Variants in DGKB observed in about 807,000 individuals in gnomAD.
DGKB encodes 90 kDa diacylglycerol kinase.
Under a neutral mutation model 114.3 loss-of-function variants are expected in DGKB, and 67 were observed. The observed-to-expected ratio is 0.59, with a 90% CI of 0.48 to 0.72. DGKB has a LOEUF of 0.72. DGKB is among the 30% of genes least tolerant of loss of function. DGKB has a pLI of 0.00. For synonymous variants in DGKB, 398 were observed against 323.1 expected, an observed-to-expected ratio of 1.23 and a Z score of -2.49; for missense variants, 907 against 975.2, an observed-to-expected ratio of 0.93 and a Z score of 0.93.
At chr7:14,426,267 G>A (rs2043221) in intron 21 of DGKB, among the ~76,000 whole-genome samples, 27,552 of 152,042 alleles carry the variant, frequency 0.18, 3,190 homozygotes, top group East Asian at 0.49. Flanking sequence ...TGCTATTTAT[G>A]TATAAAGGAT....
chr7:14,327,567 T>G (rs148774482), intron 23 of DGKB, among the ~76,000 whole-genome samples: 276 of 152,274 alleles, frequency 1.8e-3, no homozygotes, highest in African/African-American at 6.5e-3. Flanking sequence ...ATTGCATATC[T>G]CTGAGAGCTC....
chr7:14,570,187 A>G (rs887367321), intron 20 of DGKB, among the ~76,000 whole-genome samples: 1 of 151,440 alleles, frequency 6.6e-6, no homozygotes, highest in Admixed American at 6.6e-5. Flanking sequence ...TTCTCTATAG[A>G]GTATTTTTGC....
intron 5 of DGKB, among the ~76,000 whole-genome samples, chr7:14,729,001 C>T (rs972745851): frequency 2.6e-5 from 4 of 151,662 alleles, no homozygotes; most frequent in Non-Finnish European, 5.9e-5. Context: ...TGCCAAGGCT[C>T]CAGCCTCTTT....
chr7:14,345,471 T>C, intron 21 of DGKB, 80 bp from the exon 22 acceptor site: 2 of 692,070 alleles, frequency 2.9e-6, no homozygotes, highest in East Asian at 2.8e-5. Flanking sequence ...AACTCTGTCT[T>C]GTGTTATAAT....
At chr7:14,241,921 C>T (rs1229143533) in intron 23 of DGKB, among the ~76,000 whole-genome samples, 4 of 147,764 alleles carry the variant, frequency 2.7e-5, no homozygotes, top group Non-Finnish European at 3.0e-5. Flanking sequence ...AAGATATATA[C>T]ACACACACAC....
intron 2 of DGKB, among the ~76,000 whole-genome samples, chr7:14,808,571 G>A (rs1843034527): frequency 6.6e-6 from 1 of 152,060 alleles, no homozygotes; most frequent in Non-Finnish European, 1.5e-5. Flanking sequence ...TAGTGAAGAA[G>A]TTTTGCACAA....
intron 23 of DGKB, among the ~76,000 whole-genome samples, chr7:14,220,532 A>T (rs909087980): frequency 6.6e-6 from 1 of 151,296 alleles, no homozygotes; most frequent in Non-Finnish European, 1.5e-5. Flanking sequence ...CATGGTTTGT[A>T]CTCCTTTTTC....
chr7:14,524,699 T>C (rs1461485969), intron 20 of DGKB, among the ~76,000 whole-genome samples: 1 of 147,294 alleles, frequency 6.8e-6, no homozygotes, highest in Non-Finnish European at 1.5e-5. Context: ...GAAGTTGCAG[T>C]GAGTGGAGAT....
intron 23 of DGKB, among the ~76,000 whole-genome samples, chr7:14,322,895 A>G (rs1014694567): frequency 2.6e-5 from 4 of 152,208 alleles, no homozygotes; most frequent in African/African-American, 7.2e-5. Flanking sequence ...CCTAAATTAA[A>G]AAGACTCATC....
chr7:14,207,413 C>A (rs1207517232), intron 23 of DGKB, among the ~76,000 whole-genome samples: 1 of 151,954 alleles, frequency 6.6e-6, no homozygotes, highest in Non-Finnish European at 1.5e-5. Flanking sequence ...GGCATGGAGA[C>A]ATTCTGTTCT....
At chr7:14,383,578 C>T (rs917406487) in intron 21 of DGKB, among the ~76,000 whole-genome samples, 7 of 152,168 alleles carry the variant, frequency 4.6e-5, no homozygotes, top group Non-Finnish European at 8.8e-5. Flanking sequence ...GGTTTCTAAC[C>T]TCATGATCCA....
At chr7:14,689,196 C>CTTTTTTTTTTTTTTTTTTTTTT (rs1554599070) in intron 9 of DGKB, among the ~76,000 whole-genome samples, 4 of 80,300 alleles carry the variant, frequency 5.0e-5, no homozygotes, top group African/African-American at 2.0e-4. Context: ...AGAAACTCCT[C>CTTTTTTTTTTTTTTTTTTTTTT]TTATTTTTTT....
intron 20 of DGKB, among the ~76,000 whole-genome samples, chr7:14,502,692 G>A (rs1215126441): frequency 2.0e-5 from 3 of 152,044 alleles, no homozygotes; most frequent in East Asian, 3.9e-4. Flanking sequence ...ATTGAGGCCT[G>A]ATTTAGATTA....
chr7:14,352,486 T>C (rs909509776), intron 21 of DGKB, among the ~76,000 whole-genome samples: 1 of 119,258 alleles, frequency 8.4e-6, no homozygotes, highest in East Asian at 2.1e-4. Flanking sequence ...GCAGTAGTGA[T>C]CCCACATTGC....
At chr7:14,201,611 T>TA (rs1440928277) in intron 23 of DGKB, among the ~76,000 whole-genome samples, 1 of 151,878 alleles carries the variant, frequency 6.6e-6, no homozygotes, top group Non-Finnish European at 1.5e-5. Context: ...TGTCACCAAC[T>TA]AAGATGCAAA....
chr7:14,837,198 G>C (rs979686129), intron 2 of DGKB, among the ~76,000 whole-genome samples: 2 of 152,126 alleles, frequency 1.3e-5, no homozygotes. Context: ...AACACAAGCT[G>C]TCTGGTATGC....
At chr7:14,153,754 A>AG (rs1333977797) in intron 25 of DGKB, among the ~76,000 whole-genome samples, 1 of 152,056 alleles carries the variant, frequency 6.6e-6, no homozygotes, top group East Asian at 1.9e-4. Context: ...GTCCTCAGAG[A>AG]GAAAAAAAAA....
upstream of DGKB, chr7:14,903,427 C>G (rs927293609): frequency 2.0e-5 from 3 of 152,262 alleles, no homozygotes; most frequent in African/African-American, 7.2e-5. Context: ...GGGGAGGAGA[C>G]GGTGCAGGTG....
chr7:14,155,382 A>C (rs544736266), intron 25 of DGKB, among the ~76,000 whole-genome samples: 1 of 152,038 alleles, frequency 6.6e-6, no homozygotes, highest in Non-Finnish European at 1.5e-5. Flanking sequence ...ATGATAGAAG[A>C]TATGTGATGG....
Sources: gnomAD v4.1 joint callset for allele counts (sites outside exome capture counted in the v4.1 genomes callset) on GRCh38, gnomAD v4.1.1 for gene constraint, MANE v1.5 for transcripts, NCBI Gene and HGNC (gene_info 2026-07-23, HGNC 2026-07-21) for gene names.